Variants in SOX6 observed in about 807,000 individuals in gnomAD.
SOX6 encodes transcription factor SOX-6.
SOX6 carries 11 observed loss-of-function variants against 97.8 expected under a neutral mutation model. The ratio of observed to expected loss-of-function variants is 0.11; its 90% CI spans 0.07 to 0.19. The LOEUF (loss-of-function observed/expected upper bound fraction) is 0.19. Among genes scored for constraint, SOX6 ranks in the 10% least tolerant of loss-of-function variants. The pLI is 1.00. For synonymous variants in SOX6, 360 were observed against 371.4 expected, an observed-to-expected ratio of 0.97 and a Z score of 0.35; for missense variants, 810 against 1,039.5, an observed-to-expected ratio of 0.78 and a Z score of 3.04.
intron 3 of SOX6, among the ~76,000 whole-genome samples, chr11:16,614,862 G>T (rs530301335): frequency 6.6e-6 from 1 of 152,092 alleles, no homozygotes; most frequent in African/African-American, 2.4e-5. Flanking sequence ...GGACACTAGG[G>T]AACTATTTTG....
At chr11:16,060,440 G>A (rs766496695) in intron 9 of SOX6, among the ~76,000 whole-genome samples, 3 of 151,876 alleles carry the variant, frequency 2.0e-5, no homozygotes, top group Admixed American at 1.3e-4. Flanking sequence ...AAACTGGACA[G>A]TAGGATATCA....
intron 9 of SOX6, among the ~76,000 whole-genome samples, chr11:16,057,558 AT>A (rs1847849126): frequency 6.6e-6 from 1 of 152,108 alleles, no homozygotes; most frequent in African/African-American, 2.4e-5. Context: ...GAACTAATTT[AT>A]TCCTCAGGCC....
chr11:16,099,769 C>T (rs1848895751), intron 7 of SOX6, among the ~76,000 whole-genome samples: 1 of 150,978 alleles, frequency 6.6e-6, no homozygotes, highest in Non-Finnish European at 1.5e-5. Context: ...TCTACCACAC[C>T]CTATAGTACT....
chr11:16,234,749 A>C, intron 3 of SOX6, 78 bp from the exon 4 acceptor site: 1 of 810,654 alleles, frequency 1.2e-6, no homozygotes, highest in Non-Finnish European at 1.9e-6. Context: ...GGAAATTCTC[A>C]TTTAAGAATG....
At chr11:16,341,309 A>G in intron 1 of SOX6, 57 bp from the exon 2 acceptor site, 1 of 1,595,562 alleles carries the variant, frequency 6.3e-7, no homozygotes, top group South Asian at 1.1e-5. Flanking sequence ...ACCATAAACC[A>G]ATCCTTGCAT....
At chr11:16,162,021 T>A (rs985431244) in intron 6 of SOX6, among the ~76,000 whole-genome samples, 1 of 152,296 alleles carries the variant, frequency 6.6e-6, no homozygotes, top group East Asian at 1.9e-4. Context: ...ATAATAGAGT[T>A]TTCAAGTCTT....
chr11:16,113,432 G>A (rs1393980755), intron 6 of SOX6, among the ~76,000 whole-genome samples: 1 of 152,176 alleles, frequency 6.6e-6, no homozygotes, highest in Admixed American at 6.6e-5. Flanking sequence ...TACAAACTAA[G>A]CCTGCTTAAA....
intron 14 of SOX6, among the ~76,000 whole-genome samples, chr11:15,987,739 T>C (rs949965345): frequency 1.3e-5 from 2 of 151,258 alleles, no homozygotes; most frequent in Non-Finnish European, 2.9e-5. Flanking sequence ...AAAATGTATG[T>C]CCACTAGGAA....
chr11:16,664,984 A>T (rs1198656691), intron 3 of SOX6, among the ~76,000 whole-genome samples: 1 of 151,932 alleles, frequency 6.6e-6, no homozygotes, highest in Non-Finnish European at 1.5e-5. Context: ...GTAAGGACCC[A>T]GTCTTGGCAG....
At chr11:16,522,820 G>T (rs1294967150) in intron 4 of SOX6, among the ~76,000 whole-genome samples, 1 of 151,156 alleles carries the variant, frequency 6.6e-6, no homozygotes, top group East Asian at 1.9e-4. Flanking sequence ...AAAAAGGCAT[G>T]GGTTGCAATC....
chr11:15,976,300 C>G (rs1442396859), intron 15 of SOX6, among the ~76,000 whole-genome samples: 3 of 152,148 alleles, frequency 2.0e-5, no homozygotes, highest in African/African-American at 7.2e-5. Context: ...TAAATCCCAG[C>G]TGCACCAGTT....
intron 6 of SOX6, among the ~76,000 whole-genome samples, chr11:16,155,990 T>C (rs574674467): frequency 6.6e-6 from 1 of 152,074 alleles, no homozygotes; most frequent in Non-Finnish European, 1.5e-5. Flanking sequence ...CAATCTTGTA[T>C]GCTTTTTGTT....
chr11:16,721,370 G>A (rs959694302), intron 2 of SOX6, among the ~76,000 whole-genome samples: 1 of 152,178 alleles, frequency 6.6e-6, no homozygotes, highest in Non-Finnish European at 1.5e-5. Flanking sequence ...CATGGGACAT[G>A]GGGAACTTTT....
chr11:16,004,771 A>G (rs1001662064), intron 13 of SOX6, among the ~76,000 whole-genome samples: 2 of 152,126 alleles, frequency 1.3e-5, no homozygotes, highest in Non-Finnish European at 2.9e-5. Flanking sequence ...ATCTTGGAGA[A>G]AAACAGGAGG....
chr11:16,242,905 C>G (rs1853235767), intron 3 of SOX6, among the ~76,000 whole-genome samples: 1 of 151,774 alleles, frequency 6.6e-6, no homozygotes, highest in South Asian at 2.1e-4. Flanking sequence ...TGATTAAGTT[C>G]CTATTATTCT....
At chr11:16,287,805 A>G (rs770779840) in intron 3 of SOX6, among the ~76,000 whole-genome samples, 1 of 152,124 alleles carries the variant, frequency 6.6e-6, no homozygotes, top group South Asian at 2.1e-4. Context: ...AAGCCATTAC[A>G]CATTTGACCC....
intron 9 of SOX6, among the ~76,000 whole-genome samples, chr11:16,061,023 C>A (rs886275693): frequency 3.3e-5 from 5 of 151,600 alleles, no homozygotes; most frequent in Admixed American, 1.3e-4. Flanking sequence ...AAGACAGCAT[C>A]TATAAATGAG....
intron 1 of SOX6, among the ~76,000 whole-genome samples, chr11:16,403,952 G>A (rs1858624569): frequency 6.6e-6 from 1 of 151,768 alleles, no homozygotes; most frequent in Admixed American, 6.6e-5. Context: ...TATTCTTATG[G>A]TCATCCCCAG....
At chr11:16,571,608 TTTTGTTTGTTTG>T (rs34319439) in intron 4 of SOX6, among the ~76,000 whole-genome samples, 13 of 151,784 alleles carry the variant, frequency 8.6e-5, no homozygotes, top group African/African-American at 3.2e-4. Flanking sequence ...TACATTCAGT[TTTTGTTTGTTTG>T]TTTGTTTGTT....
Sources: gnomAD v4.1 joint callset for allele counts (sites outside exome capture counted in the v4.1 genomes callset) on GRCh38, gnomAD v4.1.1 for gene constraint, MANE v1.5 for transcripts, NCBI Gene and HGNC (gene_info 2026-07-23, HGNC 2026-07-21) for gene names.